The following CNTN3 variants were observed in gnomAD, a reference collection of about 807,000 sequenced individuals.
The protein encoded by CNTN3 is contactin 3.
CNTN3 carries 60 observed loss-of-function variants against 119.1 expected under a neutral mutation model. The observed-to-expected ratio is 0.50, with a 90% CI of 0.41 to 0.62. The LOEUF (loss-of-function observed/expected upper bound fraction) is 0.62. Ranked by LOEUF, CNTN3 falls within the 20% of genes least tolerant of loss-of-function variation. The pLI is 0.00. For synonymous variants in CNTN3, 450 were observed against 438.7 expected (o/e 1.03, Z -0.32); for missense variants, 1,101 against 1,242.4 (o/e 0.89, Z 1.71).
chr3:74,487,991 ATAAT>A (rs1184186003), intron 3 of CNTN3, among the ~76,000 whole-genome samples: 2 of 101,376 alleles, frequency 2.0e-5, no homozygotes, highest in Non-Finnish European at 2.0e-5. Flanking sequence ...ATCATTATAC[ATAAT>A]TATTTTATAT....
At chr3:74,339,505 C>T (rs897905253) in intron 11 of CNTN3, among the ~76,000 whole-genome samples, 3 of 152,094 alleles carry the variant, frequency 2.0e-5, no homozygotes, top group Non-Finnish European at 4.4e-5. Context: ...GAGTTAGATT[C>T]GATTTTCCTG....
intron 3 of CNTN3, 21 bp from the exon 4 acceptor site, chr3:74,486,652 T>A (rs200842265): frequency 4.0e-6 from 6 of 1,499,172 alleles, no homozygotes; most frequent in Admixed American, 2.6e-5. Context: ...AATATCAAGG[T>A]TCCCCCCCCT....
intron 1 of CNTN3, among the ~76,000 whole-genome samples, chr3:74,590,258 C>T (rs1351633422): frequency 6.6e-6 from 1 of 151,936 alleles, no homozygotes; most frequent in African/African-American, 2.4e-5. Flanking sequence ...GCCAATTTGA[C>T]TTGGGTATCT....
chr3:74,387,106 T>C (rs1455436015), intron 5 of CNTN3, among the ~76,000 whole-genome samples: 1 of 152,144 alleles, frequency 6.6e-6, no homozygotes, highest in East Asian at 1.9e-4. Flanking sequence ...AACTCCAAAG[T>C]GATGATGTGT....
At chr3:74,318,541 T>C (rs1702896273) in intron 13 of CNTN3, among the ~76,000 whole-genome samples, 1 of 152,190 alleles carries the variant, frequency 6.6e-6, no homozygotes, top group South Asian at 2.1e-4. Flanking sequence ...CTGTTAGTTT[T>C]CCTTCTAACG....
At chr3:74,434,779 A>G (rs984780108) in intron 4 of CNTN3, among the ~76,000 whole-genome samples, 4 of 152,244 alleles carry the variant, frequency 2.6e-5, no homozygotes, top group South Asian at 4.1e-4. Context: ...TAAATAAATG[A>G]TAGGTACTAT....
At chr3:74,460,021 C>A (rs1359250126) in intron 4 of CNTN3, among the ~76,000 whole-genome samples, 1 of 151,978 alleles carries the variant, frequency 6.6e-6, no homozygotes, top group Non-Finnish European at 1.5e-5. Flanking sequence ...AAAGGGTACC[C>A]TTCCTCCAAT....
chr3:74,534,660 T>C (rs1305169379), intron 1 of CNTN3, among the ~76,000 whole-genome samples: 1 of 152,068 alleles, frequency 6.6e-6, no homozygotes, highest in Non-Finnish European at 1.5e-5. Context: ...GCTATAGAAG[T>C]GCAATGTACT....
intron 1 of CNTN3, among the ~76,000 whole-genome samples, chr3:74,580,532 T>G (rs1704487400): frequency 6.6e-6 from 1 of 152,096 alleles, no homozygotes; most frequent in Non-Finnish European, 1.5e-5. Flanking sequence ...ATCAAACACA[T>G]TCGTATATTT....
chr3:74,447,783 T>C (rs1304378518), intron 4 of CNTN3, among the ~76,000 whole-genome samples: 2 of 152,180 alleles, frequency 1.3e-5, no homozygotes, highest in Non-Finnish European at 2.9e-5. Flanking sequence ...GCCCGCTCTG[T>C]TCTAAGTTGC....
At chr3:74,305,866 A>T (rs138703061) in intron 13 of CNTN3, among the ~76,000 whole-genome samples, 2,235 of 151,896 alleles carry the variant, frequency 0.015, 24 homozygotes, top group Non-Finnish European at 0.024. Context: ...TGCTTACCAA[A>T]ATGCAGTTAT....
intron 13 of CNTN3, among the ~76,000 whole-genome samples, chr3:74,319,653 A>G (rs1459528150): frequency 6.6e-6 from 1 of 151,898 alleles, no homozygotes; most frequent in African/African-American, 2.4e-5. Context: ...AACAAAAGCC[A>G]AAATTGACAA....
chr3:74,444,166 A>T (rs1263487271), intron 4 of CNTN3, among the ~76,000 whole-genome samples: 1 of 152,200 alleles, frequency 6.6e-6, no homozygotes, highest in East Asian at 1.9e-4. Flanking sequence ...ACATTGGATT[A>T]GTGGCCCACC....
intron 4 of CNTN3, among the ~76,000 whole-genome samples, chr3:74,485,910 C>T (rs1702847864): frequency 6.6e-6 from 1 of 152,112 alleles, no homozygotes; most frequent in African/African-American, 2.4e-5. Flanking sequence ...TCAGTGGGAG[C>T]TGTGCTGAGG....
At chr3:74,540,341 T>C (rs1703825080) in intron 1 of CNTN3, among the ~76,000 whole-genome samples, 2 of 152,252 alleles carry the variant, frequency 1.3e-5, no homozygotes, top group South Asian at 2.1e-4. Context: ...CGGTTAATAT[T>C]TCTTTCCACA....
At chr3:74,434,688 C>A (rs1701837953) in intron 4 of CNTN3, among the ~76,000 whole-genome samples, 1 of 152,162 alleles carries the variant, frequency 6.6e-6, no homozygotes, top group Non-Finnish European at 1.5e-5. Flanking sequence ...GATAAGACAG[C>A]AATTACCTCT....
In CNTN3 at chr3:74,521,055, T is replaced by C; in HGVS notation, c.55+3A>G. ...ACTTAGAAAATATAGGATTTTTTTT[T>C]ACCTCCTAAGCAGCCAATGAATGAA... is the stretch of plus-strand genomic sequence containing the variant. On this transcript the variant is annotated splice_donor_region_variant and intron_variant, in intron 2 of 22. Transcript: ENST00000263665. The C allele has an allele frequency of 6.3e-7, 1 of 1,578,556 alleles. No homozygotes were observed. The highest frequency in any genetic ancestry group is 8.6e-7 in the Non-Finnish European group (1 of 1,158,122).
chr3:74,382,628 C>T (rs1347036596), intron 5 of CNTN3, among the ~76,000 whole-genome samples: 1 of 152,180 alleles, frequency 6.6e-6, no homozygotes, highest in Non-Finnish European at 1.5e-5. Context: ...ATTTGTCTTT[C>T]TGTGCCTGGC....
At chr3:74,344,520 A>G (rs544061182) in intron 11 of CNTN3, among the ~76,000 whole-genome samples, 4 of 139,682 alleles carry the variant, frequency 2.9e-5, no homozygotes, top group South Asian at 2.4e-4. Flanking sequence ...CCGCCTCCCG[A>G]GTTCACGCCA....
Sources: allele counts gnomAD v4.1 joint callset (sites outside exome capture counted in the v4.1 genomes callset), GRCh38; gene constraint gnomAD v4.1.1; transcripts MANE v1.5; gene names NCBI Gene and HGNC (gene_info 2026-07-23, HGNC 2026-07-21).